The following STAG1 variants were observed in gnomAD, a reference collection of about 807,000 sequenced individuals.
STAG1 encodes cohesin subunit SA-1.
A neutral mutation model predicts 170.9 loss-of-function variants in STAG1; 26 were observed. That is an observed-to-expected ratio of 0.15 (90% confidence interval 0.11 to 0.21). STAG1 has a LOEUF of 0.21. Ranked by LOEUF, STAG1 falls within the 10% of genes least tolerant of loss-of-function variation. STAG1 has a pLI of 1.00. For missense variants in STAG1, 964 were observed against 1,509.5 expected (o/e 0.64, Z 5.99); for synonymous variants, 514 against 497.7 (o/e 1.03, Z -0.44).
intron 9 of STAG1, among the ~76,000 whole-genome samples, chr3:136,480,663 C>G (rs1264001672): frequency 2.0e-5 from 1 of 49,806 alleles, no homozygotes; most frequent in African/African-American, 5.8e-5. Flanking sequence ...TGTAAATTAC[C>G]TTGGGCAGTA....
chr3:136,560,891 T>C (rs1000842462), intron 5 of STAG1, among the ~76,000 whole-genome samples: 5 of 152,168 alleles, frequency 3.3e-5, no homozygotes, highest in Admixed American at 3.3e-4. Flanking sequence ...GTTCTGTCAT[T>C]GTTGGTGATA....
At position 136,601,836 on chromosome 3, in the gene STAG1, C is replaced by CA. The variant is rs138817941; in HGVS notation, c.297+2472dup. Among the ~76,000 whole-genome samples, 442 of 127,432 alleles carry CA rather than the reference C, an allele frequency of 3.5e-3. 1 individual carries two copies. The highest frequency in any genetic ancestry group is 5.0e-3 in the Admixed American group (63 of 12,564). The allele number at this position is 127,432 out of a possible 152,430, so 83.6% of individuals were successfully genotyped here. On this transcript the variant is annotated intron_variant, in intron 4 of 33. Coordinates refer to ENST00000383202, the MANE Select transcript of STAG1 (RefSeq NM_005862.3). ...GGCTAATAGAGAGAGGCTCATTCTC[C>CA]AAAAAAAAAAAGTTTCAGCAGAAAA... is the stretch of plus-strand genomic sequence containing the variant.
intron 9 of STAG1, among the ~76,000 whole-genome samples, chr3:136,488,719 T>C (rs1341901845): frequency 2.6e-5 from 4 of 152,208 alleles, no homozygotes; most frequent in Non-Finnish European, 4.4e-5. Context: ...ATATATTTGC[T>C]TTCTTGCTCT....
At chr3:136,486,495 T>G (rs2107837433) in intron 9 of STAG1, among the ~76,000 whole-genome samples, 1 of 152,354 alleles carries the variant, frequency 6.6e-6, no homozygotes, top group Non-Finnish European at 1.5e-5. Flanking sequence ...CATATCATTT[T>G]AGCTCTTTCA....
intron 18 of STAG1, 42 bp from the exon 19 acceptor site, chr3:136,422,655 CAATAAAA>C (rs2087991990): frequency 6.4e-7 from 1 of 1,571,104 alleles, no homozygotes. Flanking sequence ...TTTAGGTTAA[CAATAAAA>C]AATAAAAAAT....
At chr3:136,532,565 C>T (rs566892343) in intron 6 of STAG1, among the ~76,000 whole-genome samples, 1 of 152,068 alleles carries the variant, frequency 6.6e-6, no homozygotes, top group East Asian at 1.9e-4. Context: ...CTCACTAATA[C>T]ACCATGATCA....
chr3:136,340,825 T>C (rs1935936115), intron 31 of STAG1, among the ~76,000 whole-genome samples: 1 of 152,236 alleles, frequency 6.6e-6, no homozygotes, highest in Non-Finnish European at 1.5e-5. Context: ...AATTCAATAA[T>C]AACGGTTGTT....
chr3:136,515,653 C>A (rs1934335491), intron 7 of STAG1, among the ~76,000 whole-genome samples: 1 of 151,602 alleles, frequency 6.6e-6, no homozygotes, highest in South Asian at 2.1e-4. Flanking sequence ...AAACTGGCTG[C>A]CAAAAGAAAG....
chr3:136,524,576 A>G (rs1370641419), intron 6 of STAG1, among the ~76,000 whole-genome samples: 2 of 152,180 alleles, frequency 1.3e-5, no homozygotes, highest in Non-Finnish European at 2.9e-5. Flanking sequence ...TCCTAATTGA[A>G]TACCCTTTAT....
intron 1 of STAG1, among the ~76,000 whole-genome samples, chr3:136,750,333 GA>G (rs1935166225): frequency 6.6e-6 from 1 of 152,074 alleles, no homozygotes; most frequent in Non-Finnish European, 1.5e-5. Context: ...TAGAGATAAA[GA>G]AAGTAAGGCT....
intron 14 of STAG1, among the ~76,000 whole-genome samples, chr3:136,448,231 A>C (rs2088840310): frequency 6.6e-6 from 1 of 152,240 alleles, no homozygotes; most frequent in Admixed American, 6.5e-5. Context: ...AAAATAAAGA[A>C]AAAAATAATC....
At chr3:136,677,734 T>TC (rs1036671717) in intron 1 of STAG1, among the ~76,000 whole-genome samples, 3 of 151,838 alleles carry the variant, frequency 2.0e-5, no homozygotes, top group African/African-American at 7.3e-5. Context: ...ATCTTAGACA[T>TC]CCCAGCCTCT....
chr3:136,442,478 A>G (rs2088660166), intron 15 of STAG1, among the ~76,000 whole-genome samples: 1 of 152,246 alleles, frequency 6.6e-6, no homozygotes. Flanking sequence ...AGTAGCATAT[A>G]AAAAGATGCA....
intron 6 of STAG1, among the ~76,000 whole-genome samples, chr3:136,522,425 T>C (rs924502723): frequency 6.6e-6 from 1 of 150,802 alleles, no homozygotes. Context: ...GAGTGTAGAT[T>C]GGAGAAGTTA....
In STAG1 at chr3:136,433,557, C is replaced by T; in HGVS notation, c.1649G>A (p.Arg550Lys). 1.9e-6 allele frequency: 3 copies of T among 1,599,848 alleles called. No individual in the cohort carries two copies. The highest frequency in any genetic ancestry group is 2.6e-6 in the Non-Finnish European group (3 of 1,174,436). Residue 550 changes from arginine (R) to lysine (K), a missense_variant and splice_region_variant, in exon 16 of 34, where the codon AGA (arginine) becomes AAA (lysine). Transcript: ENST00000383202. ...AGATTTCTCACTAATGTAACTTACTCTCTTGCCGGTACCCCTTCCCACTGG... is the reference window on the plus strand; with the variant it reads ...AGATTTCTCACTAATGTAACTTACTTTCTTGCCGGTACCCCTTCCCACTGG... ...HPPVGRGTGK[R>K]VLTAKERKTQ...
chr3:136,508,773 T>C (rs763212705), intron 7 of STAG1, among the ~76,000 whole-genome samples: 1 of 152,274 alleles, frequency 6.6e-6, no homozygotes. Flanking sequence ...TCCTGTCTGA[T>C]TTCCAGCTTG....
At chr3:136,708,484 T>G (rs1241384599) in intron 1 of STAG1, among the ~76,000 whole-genome samples, 1 of 152,062 alleles carries the variant, frequency 6.6e-6, no homozygotes, top group African/African-American at 2.4e-5. Context: ...AAATAGGAAG[T>G]TATTACTTAC....
chr3:136,468,044 A>G (rs967449512), intron 12 of STAG1, among the ~76,000 whole-genome samples: 1 of 152,226 alleles, frequency 6.6e-6, no homozygotes, highest in African/African-American at 2.4e-5. Flanking sequence ...AATGCCCACA[A>G]GAGAAAGCAG....
intron 1 of STAG1, among the ~76,000 whole-genome samples, chr3:136,642,620 A>G (rs1940846110): frequency 1.3e-5 from 2 of 152,162 alleles, no homozygotes; most frequent in Admixed American, 6.6e-5. Context: ...ATAAAACCAG[A>G]TAATTTTGTA....
Sources: gnomAD v4.1 joint callset for allele counts (sites outside exome capture counted in the v4.1 genomes callset) on GRCh38, gnomAD v4.1.1 for gene constraint, MANE v1.5 for transcripts, NCBI Gene and HGNC (gene_info 2026-07-23, HGNC 2026-07-21) for gene names.